ATP6V0D1: variants seen among roughly 807,000 people sequenced by gnomAD.
ATP6V0D1 encodes V-type proton ATPase subunit d 1.
Under a neutral mutation model 39.0 loss-of-function variants are expected in ATP6V0D1, and 13 were observed. The observed-to-expected ratio is 0.33, with a 90% confidence interval of 0.22 to 0.53. The LOEUF (loss-of-function observed/expected upper bound fraction) is 0.53. ATP6V0D1 is among the 20% of genes least tolerant of loss of function. The pLI, the probability that ATP6V0D1 is intolerant of heterozygous loss-of-function variation, is 0.94. For synonymous variants in ATP6V0D1, 191 were observed against 191.2 expected (o/e 1.00, Z 0.01); for missense variants, 272 against 470.9 (o/e 0.58, Z 3.91).
chr16:67,451,940 T>C (rs1477262124), intron 2 of ATP6V0D1, among the ~76,000 whole-genome samples: 2 of 152,150 alleles, frequency 1.3e-5, no homozygotes, highest in East Asian at 3.9e-4. Flanking sequence ...GGGTGGGTGA[T>C]ATCTACCCTC....
rs1243915391 is a variant in ATP6V0D1 at position 67,480,158 on chromosome 16, C to T, written c.130+799G>A. 4.9e-5 allele frequency among the ~76,000 whole-genome samples: 5 copies of T among 101,416 alleles called. No individual in the cohort carries two copies. In the East Asian group the frequency reaches 8.4e-4, roughly 17 times the overall value. The allele number at this position is 101,416 out of a possible 152,430, so 66.5% of individuals were successfully genotyped here. A position where few individuals can be genotyped will look rare whatever the true frequency, so the allele number is the denominator to read the frequency against. On this transcript the variant is annotated intron_variant, in intron 1 of 7. Coordinates refer to ENST00000290949, the MANE Select transcript of ATP6V0D1 (RefSeq NM_004691.5). The stretch of plus-strand genomic sequence containing the variant: ...AGCTTGCAGTGAGCCGAGATCCCGC[C>T]ACTGCACTCCAGCCTGGGCGACAGA...
At chr16:67,466,644 T>C (rs1395258120) in intron 1 of ATP6V0D1, among the ~76,000 whole-genome samples, 3 of 151,950 alleles carry the variant, frequency 2.0e-5, no homozygotes, top group Non-Finnish European at 4.4e-5. Context: ...GAGACCAGAC[T>C]GGCCAACATA....
chr16:67,480,835 C>G (rs1255671833), intron 1 of ATP6V0D1, 122 bp downstream of exon 1: 1 of 1,397,524 alleles, frequency 7.2e-7, no homozygotes, highest in African/African-American at 1.4e-5. Context: ...CTATCAGCCC[C>G]AGGATTCCCA....
chr16:67,465,799 C>A (rs552832897), intron 1 of ATP6V0D1, among the ~76,000 whole-genome samples: 1 of 152,150 alleles, frequency 6.6e-6, no homozygotes, highest in African/African-American at 2.4e-5. Flanking sequence ...AAGCGACAAG[C>A]CCTACCTCAT....
intron 1 of ATP6V0D1, among the ~76,000 whole-genome samples, chr16:67,462,173 C>T (rs2041294063): frequency 6.6e-6 from 1 of 152,194 alleles, no homozygotes; most frequent in Non-Finnish European, 1.5e-5. Flanking sequence ...GGCCTGAAGG[C>T]TCCATGGGAC....
rs578126893 is a variant in ATP6V0D1 at position 67,438,470 on chromosome 16, C to G, written c.*58G>C. The stretch of plus-strand genomic sequence containing the variant: ...CCACATACACACACACGCACACACA[C>G]GCGCACACACACACACACACACACA... On this transcript the variant is annotated 3_prime_UTR_variant, in exon 8 of 8. Coordinates refer to ENST00000290949, the MANE Select transcript of ATP6V0D1 (RefSeq NM_004691.5). 73 of 1,566,574 alleles carry G rather than the reference C, an allele frequency of 4.7e-5. 1 individual carries two copies. Among genetic ancestry groups the G allele is most frequent in the Non-Finnish European group, 6.2e-5 (71 of 1,150,170 alleles).
intron 1 of ATP6V0D1, among the ~76,000 whole-genome samples, chr16:67,479,802 C>T (rs2041449197): frequency 6.6e-6 from 1 of 152,170 alleles, no homozygotes; most frequent in Non-Finnish European, 1.5e-5. Context: ...CCCTCACATC[C>T]TGGCCACCCT....
chr16:67,465,788 T>C (rs1349767780), intron 1 of ATP6V0D1, among the ~76,000 whole-genome samples: 2 of 152,232 alleles, frequency 1.3e-5, no homozygotes, highest in Admixed American at 1.3e-4. Flanking sequence ...CAGGAGACAC[T>C]AAGCGACAAG....
At chr16:67,450,842 A>G (rs2041171798) in intron 2 of ATP6V0D1, among the ~76,000 whole-genome samples, 1 of 152,198 alleles carries the variant, frequency 6.6e-6, no homozygotes, top group Non-Finnish European at 1.5e-5. Flanking sequence ...CACTCAGAAC[A>G]TTGGTGGAAG....
intron 1 of ATP6V0D1, among the ~76,000 whole-genome samples, chr16:67,461,634 G>A (rs1416436946): frequency 6.6e-6 from 1 of 152,228 alleles, no homozygotes; most frequent in African/African-American, 2.4e-5. Context: ...CTCCTGCAGG[G>A]AAAAGACAGT....
intron 3 of ATP6V0D1, chr16:67,443,379 C>T: frequency 1.8e-6 from 1 of 554,554 alleles, no homozygotes. Flanking sequence ...CTTCTCCTGC[C>T]TCCTTGCTCC....
At chr16:67,459,114 T>A in intron 1 of ATP6V0D1, 3 of 985,544 alleles carry the variant, frequency 3.0e-6, no homozygotes, top group Non-Finnish European at 3.6e-6. Context: ...CCTTGACTGG[T>A]CTAACAGTGC....
chr16:67,452,573 C>T, intron 2 of ATP6V0D1: 1 of 682,104 alleles, frequency 1.5e-6, no homozygotes. Flanking sequence ...CCAGAGAGCT[C>T]AGGGAAATGC....
intron 1 of ATP6V0D1, chr16:67,457,768 G>C (rs1194335657): frequency 1.7e-6 from 1 of 583,948 alleles, no homozygotes; most frequent in African/African-American, 1.9e-5. Context: ...ACACCCCTGT[G>C]CCTTGGCTGC....
chr16:67,445,488 C>T (rs1434934002), intron 2 of ATP6V0D1, among the ~76,000 whole-genome samples: 2 of 152,152 alleles, frequency 1.3e-5, no homozygotes, highest in African/African-American at 2.4e-5. Context: ...GAATGAAGGC[C>T]CAGGTCAGGC....
intron 1 of ATP6V0D1, chr16:67,458,883 C>T (rs1175674904): frequency 2.1e-5 from 4 of 186,406 alleles, no homozygotes; most frequent in Non-Finnish European, 3.0e-5. Context: ...AGATGACTCT[C>T]CCCCCAGCTC....
chr16:67,443,549 C>T (rs2041079124), intron 3 of ATP6V0D1: 1 of 226,412 alleles, frequency 4.4e-6, no homozygotes, highest in African/African-American at 2.2e-5. Context: ...ACGCCTACTT[C>T]TCTACACCTC....
intron 1 of ATP6V0D1, among the ~76,000 whole-genome samples, chr16:67,468,484 G>C (rs1397595201): frequency 6.6e-6 from 1 of 151,674 alleles, no homozygotes; most frequent in Non-Finnish European, 1.5e-5. Flanking sequence ...CATACTTGGG[G>C]GGCTGAGTTG....
At chr16:67,443,042 T>G (rs918043844) in intron 4 of ATP6V0D1, 57 bp downstream of exon 4, 48 of 1,580,878 alleles carry the variant, frequency 3.0e-5, no homozygotes, top group Non-Finnish European at 4.2e-5. Flanking sequence ...ACCCTACCAC[T>G]TCCCACAGCC....
Sources: gnomAD v4.1 joint callset for allele counts (sites outside exome capture counted in the v4.1 genomes callset) on GRCh38, gnomAD v4.1.1 for gene constraint, MANE v1.5 for transcripts, NCBI Gene and HGNC (gene_info 2026-07-23, HGNC 2026-07-21) for gene names.